Variants in ABCB10 observed in about 807,000 individuals in gnomAD.
The protein encoded by ABCB10 is ATP binding cassette subfamily B member 10, also known as ATP-binding cassette sub-family B member 10, mitochondrial.
In ABCB10, 54 loss-of-function variants were observed where a neutral mutation model predicts 65.4. The observed-to-expected ratio is 0.83, with a 90% CI of 0.66 to 1.04. The LOEUF is 1.04. ABCB10 is among the 50% of genes least tolerant of loss of function. The pLI is 0.00. For synonymous variants in ABCB10, 418 were observed against 406.5 expected (o/e 1.03, Z -0.34); for missense variants, 846 against 976.6 (o/e 0.87, Z 1.78).
intron 6 of ABCB10, among the ~76,000 whole-genome samples, chr1:229,533,366 T>G (rs1394280375): frequency 6.6e-6 from 1 of 151,566 alleles, no homozygotes; most frequent in Non-Finnish European, 1.5e-5. Flanking sequence ...TCAAGTGATG[T>G]ACCCACCTCA....
At chr1:229,525,664 C>A (rs1662423479) in intron 10 of ABCB10, among the ~76,000 whole-genome samples, 1 of 152,048 alleles carries the variant, frequency 6.6e-6, no homozygotes, top group Non-Finnish European at 1.5e-5. Context: ...CACGGTGAAA[C>A]CCTGTCTCTA....
chr1:229,545,141 A>G (rs962330829), intron 3 of ABCB10, among the ~76,000 whole-genome samples: 1 of 152,198 alleles, frequency 6.6e-6, no homozygotes, highest in Non-Finnish European at 1.5e-5. Flanking sequence ...CCTACACTGA[A>G]TTCCCTTTCC....
intron 1 of ABCB10, among the ~76,000 whole-genome samples, chr1:229,552,583 A>C (rs1199283133): frequency 6.6e-6 from 1 of 152,212 alleles, no homozygotes; most frequent in African/African-American, 2.4e-5. Flanking sequence ...AGCGCTGGAT[A>C]GAAGAGGTTG....
chr1:229,541,343 C>T (rs1662837206), intron 4 of ABCB10, among the ~76,000 whole-genome samples: 1 of 152,120 alleles, frequency 6.6e-6, no homozygotes, highest in Non-Finnish European at 1.5e-5. Context: ...TCTCCTGTCT[C>T]GGCCTCTCAA....
chr1:229,532,510 T>C (rs1165640041), intron 6 of ABCB10, among the ~76,000 whole-genome samples: 1 of 152,052 alleles, frequency 6.6e-6, no homozygotes, highest in Non-Finnish European at 1.5e-5. Context: ...TTTGATACGC[T>C]ACTCACATAC....
chr1:229,539,848 C>T (rs923725726), intron 5 of ABCB10, among the ~76,000 whole-genome samples: 3 of 152,134 alleles, frequency 2.0e-5, no homozygotes, highest in Non-Finnish European at 2.9e-5. Flanking sequence ...ACTCAGTTTG[C>T]AAAAGATAAA....
intron 6 of ABCB10, among the ~76,000 whole-genome samples, chr1:229,538,390 G>T (rs1662769296): frequency 6.6e-6 from 1 of 152,124 alleles, no homozygotes. Flanking sequence ...CCAGGGAGAG[G>T]GGAAGTAGGG....
At chr1:229,529,552 C>T (rs1255757370) in intron 8 of ABCB10, among the ~76,000 whole-genome samples, 1 of 149,852 alleles carries the variant, frequency 6.7e-6, no homozygotes, top group Non-Finnish European at 1.5e-5. Flanking sequence ...CACCTGTAGT[C>T]CCAGCTACTC....
intron 3 of ABCB10, among the ~76,000 whole-genome samples, chr1:229,545,077 G>C (rs1187711239): frequency 6.6e-6 from 1 of 152,192 alleles, no homozygotes; most frequent in African/African-American, 2.4e-5. Flanking sequence ...CAGCCACCCA[G>C]TCTGTGGTAT....
At position 229,547,687 on chromosome 1, in the gene ABCB10, T is replaced by C. The variant is rs770785266; in HGVS notation, c.733A>G (p.Asn245Asp). Reference protein sequence around the residue: ...LMQTSGQRIVNRLRTSLFSSI... With the variant: ...LMQTSGQRIVDRLRTSLFSSI... ...GAGAATAATGAAGTTCTCAGCCTATTCACAATGCGCTGACCTGCAAAAGCA... is the reference window on the plus strand; with the variant it reads ...GAGAATAATGAAGTTCTCAGCCTATCCACAATGCGCTGACCTGCAAAAGCA... The change falls in exon 3 of 13, where the codon AAT (asparagine) becomes GAT (aspartate). Residue 245 changes from asparagine (N) to aspartate (D), a missense_variant. Coordinates refer to ENST00000344517, the MANE Select transcript of ABCB10 (RefSeq NM_012089.3). 1.9e-6 allele frequency: 3 copies of C among 1,614,170 alleles called. No individual in the cohort carries two copies. The South Asian group carries it at 3.3e-5, about 18-fold the overall frequency.
chr1:229,535,226 C>T (rs930542918), intron 6 of ABCB10: 1 of 152,030 alleles, frequency 6.6e-6, no homozygotes, highest in Admixed American at 6.6e-5. Flanking sequence ...CGGTTATACT[C>T]CTTGGTATTT....
At chr1:229,538,032 G>C in intron 6 of ABCB10, among the ~76,000 whole-genome samples, 1 of 152,186 alleles carries the variant, frequency 6.6e-6, no homozygotes, top group East Asian at 1.9e-4. Context: ...TCCTGAACAA[G>C]ACAGTTGACC....
In ABCB10 at chr1:229,521,633, C is replaced by T; in HGVS notation, c.1909G>A (p.Gly637Arg). ...VGEKGVLLSG[G>R]QKQRIAIARA... ...GCAATCGCAATCCGCTGTTTCTGCCCACCTGACAAAGACAACATTTAAAAA... is the reference window on the plus strand; with the variant it reads ...GCAATCGCAATCCGCTGTTTCTGCCTACCTGACAAAGACAACATTTAAAAA... The change falls in exon 11 of 13, where the codon GGG becomes AGG. Residue 637 changes from glycine to arginine, a missense_variant and splice_region_variant. Physicochemically the swap from Gly to Arg is moderately radical, Grantham distance 125 (BLOSUM62 -2). This residue lies in a region of ABCB10 where 632 missense variants were observed against 803.2 expected (regional missense o/e 0.79). Coordinates refer to ENST00000344517, the MANE Select transcript of ABCB10 (RefSeq NM_012089.3). 2 of 1,612,884 alleles carry T rather than the reference C, an allele frequency of 1.2e-6. No homozygotes were observed. Among genetic ancestry groups the T allele is most frequent in the Non-Finnish European group, 1.7e-6 (2 of 1,179,400 alleles).
Position 229,558,404 on chromosome 1 carries a change from G to A in ABCB10, c.249C>T (p.Val83=). 2 of 1,205,300 alleles carry A rather than the reference G, an allele frequency of 1.7e-6. No individual in the cohort carries two copies. Among genetic ancestry groups the A allele is most frequent in the Non-Finnish European group, 1.0e-6 (1 of 971,616 alleles). 74.7% of individuals were successfully genotyped at this position (1,205,300 alleles called of 1,614,324 possible). ...GCCCCAGGAGCCGCGCGAGGCCCAG[G>A]ACGCCCCGCGAGGCGCCCGGACCCC... ...RGGGPGASRG[V]LGLARLLGLW... Residue 83 remains valine (V), a synonymous_variant, in exon 1 of 13, where the codon GTC becomes GTT. Coordinates refer to ENST00000344517, the MANE Select transcript of ABCB10 (RefSeq NM_012089.3).
intron 10 of ABCB10, among the ~76,000 whole-genome samples, chr1:229,525,454 CTG>C (rs576498201): frequency 1.3e-5 from 2 of 152,174 alleles, no homozygotes; most frequent in East Asian, 3.9e-4. Flanking sequence ...AAAGAAAACA[CTG>C]GGGAATTTTC....
rs985654834 is a variant in ABCB10, at chr1:229,517,922, C to A, written c.*257G>T. On this transcript the variant is annotated 3_prime_UTR_variant, in exon 13 of 13. Transcript: ENST00000344517. The stretch of plus-strand genomic sequence containing the variant: ...GCCATGCTATATTAATTAAAATATT[C>A]CACAAGAAAAGAAAATACAAAACCT... The A allele has an allele frequency of 1.9e-5, 7 of 370,710 alleles. No homozygotes were observed. The highest frequency in any genetic ancestry group is 3.4e-5 in the Non-Finnish European group (7 of 206,634). 23.0% of individuals were successfully genotyped at this position (370,710 alleles called of 1,614,324 possible). A position where few individuals can be genotyped will look rare whatever the true frequency, so the allele number is the denominator to read the frequency against.
Position 229,549,275 on chromosome 1 carries a change from G to C in ABCB10, c.677C>G (p.Ala226Gly). The stretch of plus-strand genomic sequence containing the variant: ...GTAGACACGAATGGCATTGGCGGCA[G>C]CACCACACAGAAACACGGCACTGAG... ...LGLSAVFLCG[A>G]AANAIRVYLM... The change falls in exon 2 of 13, where the codon GCT becomes GGT. Residue 226 changes from alanine (A) to glycine (G), a missense_variant. Physicochemically the swap from Ala to Gly is moderately conservative, Grantham distance 60. Transcript: ENST00000344517. 1 of 1,614,122 alleles carries C rather than the reference G, an allele frequency of 6.2e-7. No homozygotes were observed. Among genetic ancestry groups the C allele is most frequent in the South Asian group, 1.1e-5 (1 of 91,078 alleles).
Position 229,547,517 on chromosome 1 carries a change from G to A in ABCB10, c.903C>T (p.Ser301=), listed in dbSNP as rs3738187. 0.23 allele frequency: 363,444 copies of A among 1,612,616 alleles called. 46,153 individuals are homozygous for A. Among genetic ancestry groups the A allele is most frequent in the African/African-American group, 0.55 (40,855 of 74,894 alleles). The stretch of plus-strand genomic sequence containing the variant: ...CACATACCATCATACTGATGCCTAC[G>A]GAAGCCTGGGCCCCGGCCCTGAGCC... ...SDGLRAGAQA[S]VGISMMFFVS... The change falls in exon 3 of 13, where the codon TCC becomes TCT. Residue 301 remains serine (S), a synonymous_variant. Coordinates refer to ENST00000344517, the MANE Select transcript of ABCB10 (RefSeq NM_012089.3).
At chr1:229,538,541 C>A (rs1444789338) in intron 6 of ABCB10, among the ~76,000 whole-genome samples, 1 of 152,160 alleles carries the variant, frequency 6.6e-6, no homozygotes, top group Non-Finnish European at 1.5e-5. Context: ...CTGAACCGGT[C>A]CACCTTCTCG....
Sources: allele counts gnomAD v4.1 joint callset (sites outside exome capture counted in the v4.1 genomes callset), GRCh38; gene constraint gnomAD v4.1.1; regional missense constraint gnomAD v4.1.1; transcripts MANE v1.5; gene names NCBI Gene and HGNC (gene_info 2026-07-23, HGNC 2026-07-21).